Variants in SUGCT observed in about 807,000 individuals in gnomAD.
SUGCT encodes the protein succinyl-CoA:glutarate CoA-transferase.
SUGCT carries 41 observed loss-of-function variants against 55.0 expected under a neutral mutation model. The observed-to-expected ratio is 0.74, with a 90% confidence interval of 0.58 to 0.97. The LOEUF (loss-of-function observed/expected upper bound fraction) is 0.97. Ranked by LOEUF, SUGCT falls within the 50% of genes least tolerant of loss-of-function variation. SUGCT has a pLI of 0.00. For missense variants in SUGCT, 568 were observed against 547.8 expected (o/e 1.04, Z -0.37); for synonymous variants, 187 against 200.4 (o/e 0.93, Z 0.56).
intron 1 of SUGCT, among the ~76,000 whole-genome samples, chr7:40,177,009 C>G (rs1784960529): frequency 6.8e-6 from 1 of 147,730 alleles, no homozygotes; most frequent in African/African-American, 2.5e-5. Context: ...ACCATTTGAA[C>G]AAATATGCAT....
At chr7:40,359,054 T>A (rs1176086601) in intron 9 of SUGCT, among the ~76,000 whole-genome samples, 2 of 152,216 alleles carry the variant, frequency 1.3e-5, no homozygotes, top group Non-Finnish European at 2.9e-5. Flanking sequence ...TTTTTAGTCA[T>A]CACTTTTGGC....
chr7:40,811,258 G>T (rs908666325), intron 13 of SUGCT, among the ~76,000 whole-genome samples: 2 of 152,118 alleles, frequency 1.3e-5, no homozygotes, highest in South Asian at 4.1e-4. Context: ...CTCTTTTTTG[G>T]TTCCATATGA....
chr7:40,195,368 A>G (rs1786201788), intron 6 of SUGCT, among the ~76,000 whole-genome samples: 1 of 151,362 alleles, frequency 6.6e-6, no homozygotes, highest in African/African-American at 2.4e-5. Context: ...ATTACCAGGC[A>G]CGCGCCACCA....
chr7:41,023,630 C>G, the SUGCT span, among the ~76,000 whole-genome samples: 1 of 152,084 alleles, frequency 6.6e-6, no homozygotes, highest in Non-Finnish European at 1.5e-5. Context: ...AATAATAAAA[C>G]AGTTCCTACA....
At chr7:40,924,301 C>T in the SUGCT span, among the ~76,000 whole-genome samples, 1 of 96,524 alleles carries the variant, frequency 1.0e-5, no homozygotes, top group East Asian at 3.4e-4. Flanking sequence ...TGTGTAGTGG[C>T]ATGATCTCAG....
At chr7:40,156,847 C>T (rs1783921435) in intron 1 of SUGCT, among the ~76,000 whole-genome samples, 1 of 151,980 alleles carries the variant, frequency 6.6e-6, no homozygotes, top group Non-Finnish European at 1.5e-5. Flanking sequence ...AAACCCCCGT[C>T]TCTACTAAAA....
At chr7:40,356,543 C>A (rs1386403682) in intron 9 of SUGCT, among the ~76,000 whole-genome samples, 1 of 152,124 alleles carries the variant, frequency 6.6e-6, no homozygotes, top group Non-Finnish European at 1.5e-5. Context: ...CTGGCTAAGC[C>A]TATCAGAGCA....
At chr7:40,172,682 G>A (rs1784733249) in intron 1 of SUGCT, among the ~76,000 whole-genome samples, 2 of 152,120 alleles carry the variant, frequency 1.3e-5, no homozygotes, top group Admixed American at 1.3e-4. Flanking sequence ...CCATGATCTC[G>A]ACCGGCCAAT....
chr7:40,277,172 T>C (rs1044789136), intron 8 of SUGCT, among the ~76,000 whole-genome samples: 1 of 152,148 alleles, frequency 6.6e-6, no homozygotes. Context: ...ATTGCTAAAA[T>C]TAGTGTATTT....
At chr7:40,716,804 A>T (rs1010421161) in intron 12 of SUGCT, among the ~76,000 whole-genome samples, 3 of 152,120 alleles carry the variant, frequency 2.0e-5, no homozygotes, top group African/African-American at 7.2e-5. Context: ...AACGCAGATA[A>T]TATATTTTAT....
chr7:40,627,108 A>G (rs1482401791), intron 12 of SUGCT, among the ~76,000 whole-genome samples: 1 of 152,218 alleles, frequency 6.6e-6, no homozygotes, highest in Non-Finnish European at 1.5e-5. Context: ...ATGTAGACAA[A>G]GAAGAGGATG....
intron 9 of SUGCT, among the ~76,000 whole-genome samples, chr7:40,370,297 G>T (rs1340876276): frequency 6.6e-6 from 1 of 152,136 alleles, no homozygotes; most frequent in African/African-American, 2.4e-5. Context: ...AGCCAGGGAA[G>T]GATCAGTTTT....
intron 12 of SUGCT, among the ~76,000 whole-genome samples, chr7:40,722,101 C>T (rs879942749): frequency 6.6e-6 from 1 of 151,716 alleles, no homozygotes; most frequent in Non-Finnish European, 1.5e-5. Context: ...TGAATGATTT[C>T]GTCCACCACA....
rs11316337 is a variant in SUGCT, at chr7:40,555,614, AC to A, written c.1089+59232del. 6.8e-3 allele frequency among the ~76,000 whole-genome samples: 1,029 copies of A among 151,862 alleles called. 17 individuals are homozygous for A. The highest frequency in any genetic ancestry group is 0.023 in the African/African-American group (956 of 41,392). On this transcript the variant is annotated intron_variant, in intron 12 of 13. Coordinates refer to ENST00000335693, the MANE Select transcript of SUGCT (RefSeq NM_001193313.2). ...AGCTGGTTTACACGTAGCCTGCTGGACCCCACTTCTGAGTGTCTGATTCAGT... is the reference window on the plus strand; with the variant it reads ...AGCTGGTTTACACGTAGCCTGCTGGACCCACTTCTGAGTGTCTGATTCAGT...
At chr7:40,905,811 T>C in the SUGCT span, among the ~76,000 whole-genome samples, 1 of 152,004 alleles carries the variant, frequency 6.6e-6, no homozygotes, top group South Asian at 2.1e-4. Flanking sequence ...CTCAAATTCC[T>C]GGGCTCAAAT....
the SUGCT span, among the ~76,000 whole-genome samples, chr7:40,960,779 A>G: frequency 6.6e-6 from 1 of 152,164 alleles, no homozygotes; most frequent in African/African-American, 2.4e-5. Flanking sequence ...TCAGCATTAC[A>G]TCTCATTTAT....
intron 9 of SUGCT, among the ~76,000 whole-genome samples, chr7:40,381,328 C>T (rs1252827652): frequency 6.6e-6 from 1 of 151,940 alleles, no homozygotes; most frequent in Non-Finnish European, 1.5e-5. Flanking sequence ...ATTTTTAGCT[C>T]ACTTTTACAG....
At chr7:40,449,037 CTGGCTAATACAATAGCCACTAGCCACA>C (rs1322605808) in intron 9 of SUGCT, among the ~76,000 whole-genome samples, 1 of 151,316 alleles carries the variant, frequency 6.6e-6, no homozygotes, top group African/African-American at 2.4e-5. Context: ...TCCGTCTGTG[CTGGCTAATACAATAGCCACTAGCCACA>C]TGTGGCTATT....
At chr7:40,948,576 G>C in the SUGCT span, among the ~76,000 whole-genome samples, 1 of 152,072 alleles carries the variant, frequency 6.6e-6, no homozygotes, top group African/African-American at 2.4e-5. Flanking sequence ...ATCTACACTA[G>C]GTATTTCTCC....
Sources: allele counts gnomAD v4.1 joint callset (sites outside exome capture counted in the v4.1 genomes callset), GRCh38; gene constraint gnomAD v4.1.1; transcripts MANE v1.5; gene names NCBI Gene and HGNC (gene_info 2026-07-23, HGNC 2026-07-21).